DOK6: variants seen among roughly 807,000 people sequenced by gnomAD.
DOK6 encodes downstream of tyrosine kinase 6.
In DOK6, 22 loss-of-function variants were observed where a neutral mutation model predicts 44.0. The observed-to-expected ratio is 0.50, with a 90% CI of 0.36 to 0.71. DOK6 has a LOEUF of 0.71. Among genes scored for constraint, DOK6 ranks in the 30% least tolerant of loss-of-function variants. The probability of loss-of-function intolerance (pLI) is 0.00; values close to 1 mark genes in which losing one functional copy is unlikely to be tolerated. For missense variants in DOK6, 340 were observed against 416.4 expected (o/e 0.82, Z 1.60); for synonymous variants, 166 against 145.5 (o/e 1.14, Z -1.01).
chr18:69,420,621 C>T (rs1978463996), intron 1 of DOK6, among the ~76,000 whole-genome samples: 1 of 152,022 alleles, frequency 6.6e-6, no homozygotes, highest in Non-Finnish European at 1.5e-5. Flanking sequence ...AGGTATATCT[C>T]CTAATGCTAT....
At chr18:69,711,255 A>G (rs1986750194) in intron 5 of DOK6, among the ~76,000 whole-genome samples, 1 of 152,218 alleles carries the variant, frequency 6.6e-6, no homozygotes, top group African/African-American at 2.4e-5. Context: ...TTACAAGTAA[A>G]ATTAGTAGGC....
At chr18:69,672,490 C>G (rs908990446) in intron 3 of DOK6, among the ~76,000 whole-genome samples, 2 of 152,180 alleles carry the variant, frequency 1.3e-5, no homozygotes, top group African/African-American at 4.8e-5. Context: ...TCCCGAGTAG[C>G]TGGGATTACA....
chr18:69,459,553 G>A (rs1979731222), intron 1 of DOK6, among the ~76,000 whole-genome samples: 1 of 152,080 alleles, frequency 6.6e-6, no homozygotes, highest in Admixed American at 6.6e-5. Context: ...TAAAACAAGA[G>A]CAAATCCCAA....
intron 3 of DOK6, chr18:69,660,336 T>C (rs1985489936): frequency 6.6e-6 from 1 of 152,214 alleles, no homozygotes; most frequent in African/African-American, 2.4e-5. Flanking sequence ...TCTTTGTATA[T>C]TCAAATAAAA....
chr18:69,750,822 G>A (rs1036683452), intron 6 of DOK6, among the ~76,000 whole-genome samples: 1 of 152,126 alleles, frequency 6.6e-6, no homozygotes, highest in African/African-American at 2.4e-5. Flanking sequence ...TATGGAATCA[G>A]CATAAGTGTT....
At chr18:69,564,292 A>C (rs1982916969) in intron 1 of DOK6, among the ~76,000 whole-genome samples, 195 bp from the exon 2 acceptor site, 1 of 152,190 alleles carries the variant, frequency 6.6e-6, no homozygotes, top group Non-Finnish European at 1.5e-5. Flanking sequence ...CCTCAAAACG[A>C]AATCTTTTCA....
chr18:69,619,610 C>T (rs901621121), intron 3 of DOK6, among the ~76,000 whole-genome samples: 17 of 152,168 alleles, frequency 1.1e-4, no homozygotes, highest in African/African-American at 3.1e-4. Context: ...CAGACAAATT[C>T]GTGGCAGCGC....
At chr18:69,764,744 C>T (rs1057343287) in intron 7 of DOK6, among the ~76,000 whole-genome samples, 2 of 152,252 alleles carry the variant, frequency 1.3e-5, no homozygotes, top group African/African-American at 4.8e-5. Context: ...CACAAAATAA[C>T]GTGGAATATA....
chr18:69,502,734 C>T (rs546493637), intron 1 of DOK6, among the ~76,000 whole-genome samples: 6 of 152,044 alleles, frequency 3.9e-5, no homozygotes, highest in African/African-American at 1.2e-4. Context: ...TGCTTGACCT[C>T]GAGATGCCAT....
At chr18:69,739,239 C>A in intron 6 of DOK6, 136 bp downstream of exon 6, 1 of 1,124,890 alleles carries the variant, frequency 8.9e-7, no homozygotes, top group Non-Finnish European at 1.3e-6. Flanking sequence ...GCTTACCCTA[C>A]CCTCTCATCT....
At chr18:69,728,647 T>C (rs1195077169) in intron 5 of DOK6, among the ~76,000 whole-genome samples, 2 of 152,076 alleles carry the variant, frequency 1.3e-5, no homozygotes, top group East Asian at 3.9e-4. Flanking sequence ...AGTAAAGCCA[T>C]TGCACTACAG....
Position 69,538,349 on chromosome 18 carries a change from T to G in DOK6, c.67-26138T>G, listed in dbSNP as rs575129868. 2.0e-5 allele frequency among the ~76,000 whole-genome samples: 3 copies of G among 152,204 alleles called. No individual in the cohort carries two copies. In the South Asian group the frequency reaches 6.2e-4, roughly 32 times the overall value. ...AATATTTTTTTCCAATAAGAATAAT[T>G]TAAAAGTTTGGGTGCCTTAGATGAT... On this transcript the variant is annotated intron_variant, in intron 1 of 7. Coordinates refer to ENST00000382713, the MANE Select transcript of DOK6 (RefSeq NM_152721.6).
intron 4 of DOK6, among the ~76,000 whole-genome samples, chr18:69,686,974 A>C (rs1986167432): frequency 6.6e-6 from 1 of 152,186 alleles, no homozygotes; most frequent in Admixed American, 6.5e-5. Context: ...TTGTTAAGTT[A>C]TATCAGACAC....
chr18:69,821,788 G>GTT (rs5825972), intron 7 of DOK6, among the ~76,000 whole-genome samples: 80,256 of 133,500 alleles, frequency 0.6, 22,494 homozygotes, highest in East Asian at 0.78. Flanking sequence ...GCATGCTATT[G>GTT]TTTTTTTTTT....
At chr18:69,616,548 T>G (rs962187108) in intron 3 of DOK6, among the ~76,000 whole-genome samples, 1 of 150,720 alleles carries the variant, frequency 6.6e-6, no homozygotes, top group African/African-American at 2.4e-5. Context: ...AAAGCAACTT[T>G]AGAACTAACT....
At chr18:69,651,007 A>G (rs1985210288) in intron 3 of DOK6, among the ~76,000 whole-genome samples, 2 of 152,216 alleles carry the variant, frequency 1.3e-5, no homozygotes, top group South Asian at 4.1e-4. Context: ...ATTCATACAT[A>G]AACATTTTAA....
chr18:69,481,000 T>G (rs567401252), intron 1 of DOK6, among the ~76,000 whole-genome samples: 1 of 152,226 alleles, frequency 6.6e-6, no homozygotes, highest in East Asian at 1.9e-4. Flanking sequence ...AAAGAGATAT[T>G]TGCCCTTCTC....
chr18:69,455,965 C>T (rs550496487), intron 1 of DOK6, among the ~76,000 whole-genome samples: 17 of 152,128 alleles, frequency 1.1e-4, no homozygotes, highest in African/African-American at 4.1e-4. Flanking sequence ...ATAGTGTATC[C>T]AAATTAAAAA....
chr18:69,552,431 A>G (rs996851480), intron 1 of DOK6, among the ~76,000 whole-genome samples: 1 of 152,078 alleles, frequency 6.6e-6, no homozygotes, highest in African/African-American at 2.4e-5. Flanking sequence ...TGACAATATC[A>G]ATAAAATTTG....
Sources: gnomAD v4.1 joint callset for allele counts (sites outside exome capture counted in the v4.1 genomes callset) on GRCh38, gnomAD v4.1.1 for gene constraint, MANE v1.5 for transcripts, NCBI Gene and HGNC (gene_info 2026-07-23, HGNC 2026-07-21) for gene names.